The following KIRREL3 variants were observed in gnomAD, a reference collection of about 807,000 sequenced individuals.
The protein encoded by KIRREL3 is kin of IRRE-like protein 3.
Under a neutral mutation model 89.7 loss-of-function variants are expected in KIRREL3, and 36 were observed. That is an observed-to-expected ratio of 0.40 (90% confidence interval 0.31 to 0.53). The LOEUF (loss-of-function observed/expected upper bound fraction) is 0.53. Among genes scored for constraint, KIRREL3 ranks in the 20% least tolerant of loss-of-function variants. The pLI is 0.49. For missense variants in KIRREL3, 864 were observed against 1,056.6 expected (o/e 0.82, Z 2.53); for synonymous variants, 445 against 441.4 (o/e 1.01, Z -0.10).
intron 1 of KIRREL3, chr11:126,936,265 A>C: frequency 6.6e-6 from 1 of 152,230 alleles, no homozygotes; most frequent in Non-Finnish European, 1.5e-5. Flanking sequence ...GGATGTAAAT[A>C]AACTGGAACC....
chr11:126,716,944 C>G (rs1947990673), intron 1 of KIRREL3, among the ~76,000 whole-genome samples: 1 of 152,112 alleles, frequency 6.6e-6, no homozygotes, highest in Non-Finnish European at 1.5e-5. Context: ...CTAGGGCAGG[C>G]ATAGAGCTCA....
Position 126,891,963 on chromosome 11 carries a change from T to C in KIRREL3, c.55+108492A>G, listed in dbSNP as rs544695218. 1.9e-4 allele frequency among the ~76,000 whole-genome samples: 29 copies of C among 152,336 alleles called. No individual in the cohort carries two copies. In the South Asian group the frequency reaches 6.0e-3, roughly 32 times the overall value. Reference sequence around the variant, plus strand: ...TATCTTTCAGGAAGCCTAGGAATTCTAGGCCACTGCCAGCATTGGGAATGG... The same window carrying C: ...TATCTTTCAGGAAGCCTAGGAATTCCAGGCCACTGCCAGCATTGGGAATGG... On this transcript the variant is annotated intron_variant, in intron 1 of 16. Coordinates refer to ENST00000525144, the MANE Select transcript of KIRREL3 (RefSeq NM_032531.4). The surrounding 1 kb of genome is among the most constrained non-coding windows in gnomAD (Gnocchi z 5.1).
intron 1 of KIRREL3, among the ~76,000 whole-genome samples, chr11:126,875,320 G>GAGAC (rs1441320975): frequency 1.3e-5 from 2 of 152,150 alleles, no homozygotes; most frequent in African/African-American, 4.8e-5. Context: ...TGAAAAACGA[G>GAGAC]AGACATAATG....
chr11:126,773,004 T>C lies in KIRREL3; in HGVS notation c.56-210092A>G, dbSNP rs1950064894. 6.6e-6 allele frequency among the ~76,000 whole-genome samples: 1 copy of C among 152,204 alleles called. No individual in the cohort carries two copies. The highest frequency in any genetic ancestry group is 2.1e-4 in the South Asian group (1 of 4,828). On this transcript the variant is annotated intron_variant, in intron 1 of 16. Transcript: ENST00000525144. The surrounding 1 kb of genome is among the most constrained non-coding windows in gnomAD (Gnocchi z 4.2). ...AAACATTTAGTGACATCAGTGATCT[T>C]GTGAAAGCCACTAAAGGTATCATGG...
At chr11:126,804,645 G>A (rs528555626) in intron 1 of KIRREL3, among the ~76,000 whole-genome samples, 25 of 152,210 alleles carry the variant, frequency 1.6e-4, no homozygotes, top group Admixed American at 5.9e-4. Flanking sequence ...AAGCATTTTA[G>A]TGGAAAGAGA....
rs2134689017 is a variant in KIRREL3, at chr11:126,876,004, G to C, written c.55+124451C>G. On this transcript the variant is annotated intron_variant, in intron 1 of 16. Transcript: ENST00000525144. The surrounding 1 kb of genome is among the most constrained non-coding windows in gnomAD (Gnocchi z 4.1). ...CCGAAATTGAATCTCGGGTTCCCTG[G>C]AGGTAGGGAGTGCAGCATGGCACTG... is the stretch of plus-strand genomic sequence containing the variant. Among the ~76,000 whole-genome samples, 1 of 152,316 alleles carries C rather than the reference G, an allele frequency of 6.6e-6. No homozygotes were observed. Among genetic ancestry groups the C allele is most frequent in the South Asian group, 2.1e-4 (1 of 4,822 alleles).
intron 1 of KIRREL3, among the ~76,000 whole-genome samples, chr11:126,720,222 C>T (rs985445530): frequency 4.6e-5 from 7 of 152,138 alleles, no homozygotes; most frequent in Non-Finnish European, 8.8e-5. Context: ...TGTGTTTGTC[C>T]ACTACTGTAT....
At chr11:126,597,765 G>T (rs1422749209) in intron 1 of KIRREL3, among the ~76,000 whole-genome samples, 3 of 152,190 alleles carry the variant, frequency 2.0e-5, no homozygotes, top group African/African-American at 7.2e-5. Flanking sequence ...GGCAGAATGT[G>T]GCAACTTACC....
In KIRREL3 at chr11:126,844,488, C is replaced by T. The variant is rs760311608; in HGVS notation, c.55+155967G>A. On this transcript the variant is annotated intron_variant, in intron 1 of 16. Coordinates refer to ENST00000525144, the MANE Select transcript of KIRREL3 (RefSeq NM_032531.4). This position sits in a 1 kb window ranked among gnomAD's most constrained non-coding sequence, Gnocchi z 4.8. ...CAGATTTTGGGTAGGTGGTGGGGTA[C>T]CCAGATAAAGGATGGGATTGGGTTA... is the stretch of plus-strand genomic sequence containing the variant. 6.6e-6 allele frequency among the ~76,000 whole-genome samples: 1 copy of T among 152,044 alleles called. No individual in the cohort carries two copies. Among genetic ancestry groups the T allele is most frequent in the Admixed American group, 6.6e-5 (1 of 15,264 alleles).
At chr11:126,581,504 T>C (rs1941552991) in intron 1 of KIRREL3, among the ~76,000 whole-genome samples, 1 of 152,212 alleles carries the variant, frequency 6.6e-6, no homozygotes. Context: ...GCCTGGCCTA[T>C]ATTCAATTTT....
chr11:126,937,623 G>A lies in KIRREL3; in HGVS notation c.55+62832C>T, dbSNP rs189346476. Among the ~76,000 whole-genome samples, 219 of 152,312 alleles carry A rather than the reference G, an allele frequency of 1.4e-3. 1 individual carries two copies. Among genetic ancestry groups the A allele is most frequent in the African/African-American group, 4.5e-3 (187 of 41,578 alleles). Reference sequence around the variant, plus strand: ...TGCCATAAAAAAACAGCAGTTGGCCGGGCGTGGTGGCTCATGCCTGTAATC... The same window carrying A: ...TGCCATAAAAAAACAGCAGTTGGCCAGGCGTGGTGGCTCATGCCTGTAATC... On this transcript the variant is annotated intron_variant, in intron 1 of 16. Transcript: ENST00000525144.
Position 126,683,323 on chromosome 11 carries a change from G to T in KIRREL3, c.56-120411C>A, listed in dbSNP as rs980646188. Among the ~76,000 whole-genome samples, 1 of 152,174 alleles carries T rather than the reference G, an allele frequency of 6.6e-6. No individual in the cohort carries two copies. The highest frequency in any genetic ancestry group is 1.5e-5 in the Non-Finnish European group (1 of 68,026). ...AGTTGGGGTTGTGAAATATTAGAAC[G>T]TGTGGATAGTCTGATGGTTTGCAAG... On this transcript the variant is annotated intron_variant, in intron 1 of 16. Coordinates refer to ENST00000525144, the MANE Select transcript of KIRREL3 (RefSeq NM_032531.4). The surrounding 1 kb of genome is among the most constrained non-coding windows in gnomAD (Gnocchi z 5.2).
rs576435632 is a variant in KIRREL3 at position 126,799,607 on chromosome 11, T to G, written c.55+200848A>C. On this transcript the variant is annotated intron_variant, in intron 1 of 16. Transcript: ENST00000525144. ...ACTTGAGCCCGTGTGGAACTCATCA[T>G]TCTGCAGAAAACTAGGGAAGAATCT... Among the ~76,000 whole-genome samples the G allele has an allele frequency of 2.0e-5, 3 of 150,346 alleles. No homozygotes were observed. The East Asian group carries it at 5.9e-4, about 30-fold the overall frequency.
Position 126,883,370 on chromosome 11 carries a change from G to A in KIRREL3, c.55+117085C>T, listed in dbSNP as rs926626985. Among the ~76,000 whole-genome samples, 7 of 152,076 alleles carry A rather than the reference G, an allele frequency of 4.6e-5. No homozygotes were observed. The highest frequency in any genetic ancestry group is 8.8e-5 in the Non-Finnish European group (6 of 68,036). ...CTCTTCCCAACAAATGCTCATTGTC[G>A]CACTTCCTGTCACCTCTCTCTCCTG... On this transcript the variant is annotated intron_variant, in intron 1 of 16. Transcript: ENST00000525144. The surrounding 1 kb of genome is among the most constrained non-coding windows in gnomAD (Gnocchi z 4.1).
chr11:126,662,335 A>G (rs536868412), intron 1 of KIRREL3, among the ~76,000 whole-genome samples: 1 of 152,358 alleles, frequency 6.6e-6, no homozygotes, highest in South Asian at 2.1e-4. Flanking sequence ...GGCCCCTTGG[A>G]GAGCACTAGA....
chr11:126,449,056 G>A lies in KIRREL3; in HGVS notation c.950C>T (p.Thr317Ile). The A allele has an allele frequency of 6.2e-7, 1 of 1,613,820 alleles. No homozygotes were observed. The highest frequency in any genetic ancestry group is 8.5e-7 in the Non-Finnish European group (1 of 1,179,740). Reference protein sequence around the residue: ...YFSEPVSCEVTNALGSTNLSR... With the variant: ...YFSEPVSCEVINALGSTNLSR... ...GAGGTTGGTGCTGCCCAGGGCGTTG[G>A]TCACCTCACAGGAGACGGGCTCTGA... The change falls in exon 8 of 17, where the codon ACC (threonine) becomes ATC (isoleucine). Residue 317 changes from threonine to isoleucine, a missense_variant. Physicochemically the swap from Thr to Ile is moderately conservative, Grantham distance 89 (BLOSUM62 -1). Coordinates refer to ENST00000525144, the MANE Select transcript of KIRREL3 (RefSeq NM_032531.4).
chr11:126,928,950 G>T (rs1348593623), intron 1 of KIRREL3, among the ~76,000 whole-genome samples: 1 of 152,166 alleles, frequency 6.6e-6, no homozygotes, highest in East Asian at 1.9e-4. Context: ...CTATGAGAAT[G>T]AATGGATGAA....
intron 2 of KIRREL3, among the ~76,000 whole-genome samples, chr11:126,554,046 C>A (rs1306460029): frequency 6.6e-6 from 1 of 152,084 alleles, no homozygotes; most frequent in Non-Finnish European, 1.5e-5. Context: ...CCAGCAGCAC[C>A]TCACACAGTT....
intron 7 of KIRREL3, among the ~76,000 whole-genome samples, chr11:126,450,926 T>G (rs544793907): frequency 6.6e-6 from 1 of 150,778 alleles, no homozygotes; most frequent in Non-Finnish European, 1.5e-5. Flanking sequence ...CACGTGCATG[T>G]GTGCATGTGT....
Sources: gnomAD v4.1 joint callset for allele counts (sites outside exome capture counted in the v4.1 genomes callset) on GRCh38, gnomAD v4.1.1 for gene constraint, Gnocchi (gnomAD v3.1) non-coding constraint, MANE v1.5 for transcripts, NCBI Gene and HGNC (gene_info 2026-07-23, HGNC 2026-07-21) for gene names.